Variants in TET3 observed in about 807,000 individuals in gnomAD.
TET3 encodes the protein tet methylcytosine dioxygenase 3.
Under a neutral mutation model 141.4 loss-of-function variants are expected in TET3, and 19 were observed. The observed-to-expected ratio is 0.13, with a 90% CI of 0.09 to 0.20. The LOEUF is 0.20. Ranked by LOEUF, TET3 falls within the 10% of genes least tolerant of loss-of-function variation. The pLI, the probability that TET3 is intolerant of heterozygous loss-of-function variation, is 1.00. For synonymous variants in TET3, 1,043 were observed against 980.9 expected (o/e 1.06, Z -1.18); for missense variants, 1,874 against 2,356.9 (o/e 0.80, Z 4.24).
intron 6 of TET3, among the ~76,000 whole-genome samples, chr2:74,085,117 A>G (rs1690048568): frequency 6.6e-6 from 1 of 152,102 alleles, no homozygotes; most frequent in Non-Finnish European, 1.5e-5. Context: ...TGAAATGATT[A>G]AAATGGTAAA....
At chr2:74,025,703 G>GT (rs1439910466) in intron 3 of TET3, among the ~76,000 whole-genome samples, 2 of 152,178 alleles carry the variant, frequency 1.3e-5, no homozygotes, top group African/African-American at 2.4e-5. Context: ...AACCTCTCTT[G>GT]TAAGAGAAAC....
At chr2:74,008,555 C>A (rs976685326) in intron 3 of TET3, among the ~76,000 whole-genome samples, 6 of 152,172 alleles carry the variant, frequency 3.9e-5, no homozygotes, top group African/African-American at 1.4e-4. Flanking sequence ...TACCCTTTTT[C>A]CCCTGGGGGT....
chr2:74,119,694 A>G, the TET3 span, among the ~76,000 whole-genome samples: 6 of 152,190 alleles, frequency 3.9e-5, no homozygotes, highest in African/African-American at 7.2e-5. Flanking sequence ...CTTTCACCTA[A>G]TAGTTTCAGC....
intron 8 of TET3, among the ~76,000 whole-genome samples, chr2:74,092,133 A>G (rs955362171): frequency 3.9e-5 from 6 of 152,090 alleles, no homozygotes; most frequent in Non-Finnish European, 7.4e-5. Context: ...GCAAAACCCC[A>G]TCTCTACTAA....
chr2:74,031,690 G>A (rs1686697257), intron 3 of TET3, among the ~76,000 whole-genome samples: 1 of 152,108 alleles, frequency 6.6e-6, no homozygotes, highest in Non-Finnish European at 1.5e-5. Flanking sequence ...GCTGGTAGGT[G>A]GATACCCTCT....
rs1173101600 is a variant in TET3 at position 74,102,489 on chromosome 2, T to C, written c.*313T>C. On this transcript the variant is annotated 3_prime_UTR_variant, in exon 12 of 12. Transcript: ENST00000409262. ...GGGGGGTTTTTATTTTTATTTTCTC[T>C]TTGTTTTTAAAACTCTATCCTTGTA... is the stretch of plus-strand genomic sequence containing the variant. 4.8e-6 allele frequency: 1 copy of C among 208,098 alleles called. No homozygotes were observed. Among genetic ancestry groups the C allele is most frequent in the East Asian group, 1.0e-4 (1 of 9,922 alleles). 12.9% of individuals were successfully genotyped at this position (208,098 alleles called of 1,614,324 possible).
At chr2:73,985,529 G>A (rs922637726) in intron 1 of TET3, among the ~76,000 whole-genome samples, 82 of 146,674 alleles carry the variant, frequency 5.6e-4, no homozygotes, top group African/African-American at 1.8e-3. Context: ...GGGCGCGGCG[G>A]GCGCGGGCTG....
chr2:74,064,959 G>A (rs989091779), intron 4 of TET3, among the ~76,000 whole-genome samples: 2 of 152,132 alleles, frequency 1.3e-5, no homozygotes, highest in African/African-American at 4.8e-5. Flanking sequence ...ACCACACTGG[G>A]AGTTAGTGCC....
At position 74,105,660 on chromosome 2, in the gene TET3, G is replaced by T. The variant is rs1691452506; in HGVS notation, c.*3484G>T. ...TGGTCCTTCCACCAGCCTCTTTTGG[G>T]AACAGTAGTTTGCAGAGCAAGGGAT... On this transcript the variant is annotated 3_prime_UTR_variant, in exon 12 of 12. Transcript: ENST00000409262. The T allele has an allele frequency of 3.0e-6, 1 of 337,304 alleles. No homozygotes were observed. Among genetic ancestry groups the T allele is most frequent in the South Asian group, 1.6e-4 (1 of 6,436 alleles). The allele number at this position is 337,304 out of a possible 1,614,324, so 20.9% of individuals were successfully genotyped here. A position where few individuals can be genotyped will look rare whatever the true frequency, so the allele number is the denominator to read the frequency against.
the TET3 span, among the ~76,000 whole-genome samples, chr2:74,116,121 A>G: frequency 2.0e-5 from 3 of 152,160 alleles, no homozygotes; most frequent in Non-Finnish European, 2.9e-5. Context: ...AATGCCCAAC[A>G]TCACTAATCA....
At chr2:74,013,410 T>G (rs1685570724) in intron 3 of TET3, among the ~76,000 whole-genome samples, 1 of 152,228 alleles carries the variant, frequency 6.6e-6, no homozygotes, top group African/African-American at 2.4e-5. Context: ...TGTTGTCAGA[T>G]GTTAGTATTA....
chr2:74,009,435 GA>G (rs1022212393), intron 3 of TET3, among the ~76,000 whole-genome samples: 3 of 152,234 alleles, frequency 2.0e-5, no homozygotes, highest in African/African-American at 7.2e-5. Context: ...CTGGGGTACA[GA>G]GGGCTGTCCC....
rs1253110655 is a variant in TET3, at chr2:74,100,562, C to A, written c.3774C>A (p.Tyr1258Ter). 1 of 1,613,392 alleles carries A rather than the reference C, an allele frequency of 6.2e-7. No individual in the cohort carries two copies. The highest frequency in any genetic ancestry group is 8.5e-7 in the Non-Finnish European group (1 of 1,179,674). Residue 1258 changes from tyrosine (Y) to a stop codon, truncating the protein, a stop_gained, in exon 12 of 12, where the codon TAC becomes TAA. Coordinates refer to ENST00000409262, the MANE Select transcript of TET3 (RefSeq NM_001287491.2). LOFTEE classifies it high-confidence loss of function. Reference sequence around the variant, plus strand: ...ACCCTTACAGCATGAACAGCGTGTACTCCTACCACTCCTACTATGCACAGC... The same window carrying A: ...ACCCTTACAGCATGAACAGCGTGTAATCCTACCACTCCTACTATGCACAGC... Reference protein sequence around the residue: ...PSDPYSMNSVYSYHSYYAQPS... With the variant: ...PSDPYSMNSV
intron 6 of TET3, among the ~76,000 whole-genome samples, chr2:74,085,640 T>C (rs1197061525): frequency 1.3e-5 from 2 of 152,254 alleles, no homozygotes; most frequent in East Asian, 3.8e-4. Flanking sequence ...CAGTTCATGC[T>C]CCTATGAGAA....
chr2:74,033,339 G>C (rs1439544823), intron 3 of TET3, among the ~76,000 whole-genome samples: 1 of 152,192 alleles, frequency 6.6e-6, no homozygotes, highest in Non-Finnish European at 1.5e-5. Flanking sequence ...TGATTGAATT[G>C]AACTGTTAAA....
intron 5 of TET3, among the ~76,000 whole-genome samples, chr2:74,075,639 T>C (rs187900975): frequency 6.6e-6 from 1 of 152,320 alleles, no homozygotes. Context: ...AGGAGCCAGA[T>C]ACTCTTGTCT....
chr2:74,117,779 CCT>C, the TET3 span, among the ~76,000 whole-genome samples: 1 of 151,434 alleles, frequency 6.6e-6, no homozygotes, highest in African/African-American at 2.4e-5. Flanking sequence ...GGAGTCATGC[CCT>C]GTCGCCCAGG....
At position 73,986,439 on chromosome 2, in the gene TET3, G is replaced by A; in HGVS notation, c.36G>A (p.Pro12=). 9.7e-6 allele frequency: 12 copies of A among 1,232,234 alleles called. No homozygotes were observed. The highest frequency in any genetic ancestry group is 3.1e-4 in the Middle Eastern group (1 of 3,208). 76.3% of individuals were successfully genotyped at this position (1,232,234 alleles called of 1,614,324 possible). The change falls in exon 2 of 12, where the codon CCG becomes CCA. Residue 12 remains proline (P), a synonymous_variant. Transcript: ENST00000409262. ...SQFQVPLAVQ[P]DLPGLYDFPQ... ...TTCAGGTGCCCCTGGCCGTCCAGCCGGACCTGCCAGGCCTTTATGACTTCC... is the reference window on the plus strand; with the variant it reads ...TTCAGGTGCCCCTGGCCGTCCAGCCAGACCTGCCAGGCCTTTATGACTTCC...
chr2:74,097,455 G>A (rs1172549281), intron 10 of TET3, among the ~76,000 whole-genome samples: 1 of 152,162 alleles, frequency 6.6e-6, no homozygotes, highest in Non-Finnish European at 1.5e-5. Context: ...AATGGGCCAA[G>A]GATTGATTTT....
Sources: allele counts gnomAD v4.1 joint callset (sites outside exome capture counted in the v4.1 genomes callset), GRCh38; gene constraint gnomAD v4.1.1; transcripts MANE v1.5; gene names NCBI Gene and HGNC (gene_info 2026-07-23, HGNC 2026-07-21).